Variants in RALGAPB observed in about 807,000 individuals in gnomAD.
RALGAPB encodes ral GTPase-activating protein subunit beta.
A neutral mutation model predicts 161.1 loss-of-function variants in RALGAPB; 25 were observed. The observed-to-expected ratio is 0.16, with a 90% CI of 0.11 to 0.22. The LOEUF (loss-of-function observed/expected upper bound fraction) is 0.22, where lower values mean the gene tolerates loss of function less well. Among genes scored for constraint, RALGAPB ranks in the 10% least tolerant of loss-of-function variants. The pLI is 1.00. For missense variants in RALGAPB, 1,391 were observed against 1,815.2 expected (o/e 0.77, Z 4.25); for synonymous variants, 629 against 626.1 (o/e 1.00, Z -0.07).
At chr20:38,475,191 G>A (rs1325549535) in intron 1 of RALGAPB, among the ~76,000 whole-genome samples, 1 of 152,314 alleles carries the variant, frequency 6.6e-6, no homozygotes, top group African/African-American at 2.4e-5. Flanking sequence ...CCAAAAAAGT[G>A]TTTAGTTGTC....
At chr20:38,532,665 T>C in intron 14 of RALGAPB, 65 bp from the exon 15 acceptor site, 2 of 1,568,352 alleles carry the variant, frequency 1.3e-6, no homozygotes, top group Non-Finnish European at 1.8e-6. Context: ...TTTTTAATGA[T>C]TGACCTTTAT....
chr20:38,550,921 T>A lies in RALGAPB; in HGVS notation c.3010-150T>A, dbSNP rs2087352349. 4.8e-6 allele frequency: 4 copies of A among 837,418 alleles called. No homozygotes were observed. The South Asian group carries it at 7.0e-5, about 15-fold the overall frequency. 51.9% of individuals were successfully genotyped at this position (837,418 alleles called of 1,614,324 possible). A position where few individuals can be genotyped will look rare whatever the true frequency, so the allele number is the denominator to read the frequency against. On this transcript the variant is annotated intron_variant, in intron 20 of 29. Coordinates refer to ENST00000262879, the MANE Select transcript of RALGAPB (RefSeq NM_020336.4). ...AGGGGCACAGGCTGCTTCCCTTTGC[T>A]GTTATCTGTAGCATTTGCAGGTTCT...
In RALGAPB at chr20:38,488,557, G is replaced by T. The variant is rs1423706566; in HGVS notation, c.125G>T (p.Gly42Val). 6.2e-7 allele frequency: 1 copy of T among 1,613,998 alleles called. No individual in the cohort carries two copies. The change falls in exon 2 of 30, where the codon GGG becomes GTG. Residue 42 changes from glycine (G) to valine (V), a missense_variant. Physicochemically the swap from Gly to Val is moderately radical, Grantham distance 109 (BLOSUM62 -3). Transcript: ENST00000262879. ...GCAAATGCTGTAGTCCGTCCTCTTG[G>T]GCAGGTGTTAGGTACCCCTTCAGTG... ...EVANAVVRPL[G>V]QVLGTPSVAG...
At chr20:38,522,504 T>C (rs2086321108) in intron 10 of RALGAPB, among the ~76,000 whole-genome samples, 1 of 152,210 alleles carries the variant, frequency 6.6e-6, no homozygotes, top group Admixed American at 6.5e-5. Context: ...ACTTTTCTCC[T>C]AAATTAACTC....
intron 3 of RALGAPB, among the ~76,000 whole-genome samples, chr20:38,494,197 C>A (rs1199908529): frequency 2.0e-5 from 3 of 152,200 alleles, no homozygotes; most frequent in African/African-American, 4.8e-5. Context: ...ATCTAACCAA[C>A]TCAAAGGCAG....
At chr20:38,553,789 A>AC in intron 21 of RALGAPB, 78 bp from the exon 22 acceptor site, 1 of 804,494 alleles carries the variant, frequency 1.2e-6, no homozygotes, top group Non-Finnish European at 1.8e-6. Flanking sequence ...AAAAAAAAAA[A>AC]AAAAAAAAAA....
chr20:38,542,092 A>G (rs988720095), intron 18 of RALGAPB, among the ~76,000 whole-genome samples: 5 of 152,192 alleles, frequency 3.3e-5, no homozygotes, highest in African/African-American at 1.2e-4. Flanking sequence ...GACTGAATGG[A>G]ACAGTTAGTG....
intron 2 of RALGAPB, among the ~76,000 whole-genome samples, chr20:38,492,157 C>T (rs758047220): frequency 6.6e-6 from 1 of 152,062 alleles, no homozygotes; most frequent in South Asian, 2.1e-4. Context: ...CCCAGTGGCA[C>T]CTTCTAGTTG....
chr20:38,553,784 A>AAG, intron 21 of RALGAPB, 83 bp from the exon 22 acceptor site: 1 of 735,088 alleles, frequency 1.4e-6, no homozygotes, highest in Non-Finnish European at 2.0e-6. Context: ...TCTCAAAAAA[A>AAG]AAAAAAAAAA....
chr20:38,503,564 T>C (rs1267698531), intron 5 of RALGAPB, among the ~76,000 whole-genome samples: 2 of 152,224 alleles, frequency 1.3e-5, no homozygotes, highest in Admixed American at 6.5e-5. Context: ...AGGAGTCTTA[T>C]GGATGAGCAA....
chr20:38,520,580 GTTTGA>G (rs1031049657), intron 9 of RALGAPB, among the ~76,000 whole-genome samples: 2 of 121,918 alleles, frequency 1.6e-5, no homozygotes, highest in African/African-American at 6.6e-5. Context: ...CAGATTTAGT[GTTTGA>G]TTTGTATGCA....
At chr20:38,506,136 C>T (rs948116424) in intron 5 of RALGAPB, among the ~76,000 whole-genome samples, 6 of 152,048 alleles carry the variant, frequency 3.9e-5, no homozygotes, top group South Asian at 2.1e-4. Flanking sequence ...AATCTTGAGA[C>T]GATTTAAAGT....
At chr20:38,521,067 T>C (rs901587473) in intron 9 of RALGAPB, among the ~76,000 whole-genome samples, 1 of 152,212 alleles carries the variant, frequency 6.6e-6, no homozygotes, top group South Asian at 2.1e-4. Context: ...GGGTTGCCCA[T>C]TTAATTAGGA....
At position 38,520,340 on chromosome 20, in the gene RALGAPB, TA is replaced by T. The variant is rs1368495378; in HGVS notation, c.1418-1152del. 3 of 674,470 alleles carry T rather than the reference TA, an allele frequency of 4.4e-6. No individual in the cohort carries two copies. The African/African-American group carries it at 5.9e-5, about 13-fold the overall frequency. 41.8% of individuals were successfully genotyped at this position (674,470 alleles called of 1,614,324 possible). On this transcript the variant is annotated intron_variant, in intron 9 of 29. Transcript: ENST00000262879. The stretch of plus-strand genomic sequence containing the variant: ...GTTTTTATTTTTTTCATAATTCCAT[TA>T]AAAATTTGATTGTCATTGTCTCTTG...
chr20:38,536,313 C>G (rs138718207), intron 16 of RALGAPB, among the ~76,000 whole-genome samples: 4 of 152,230 alleles, frequency 2.6e-5, no homozygotes, highest in Middle Eastern at 6.8e-3. Flanking sequence ...GAACTGTATT[C>G]CCTTTTATGA....
At chr20:38,551,009 C>A (rs2087355416) in intron 20 of RALGAPB, 62 bp from the exon 21 acceptor site, 3 of 1,538,942 alleles carry the variant, frequency 1.9e-6, no homozygotes, top group Admixed American at 3.6e-5. Flanking sequence ...CAGGGAAATA[C>A]ATGTCATTAC....
At chr20:38,544,543 C>T (rs1051281308) in intron 18 of RALGAPB, among the ~76,000 whole-genome samples, 1 of 152,212 alleles carries the variant, frequency 6.6e-6, no homozygotes, top group East Asian at 1.9e-4. Flanking sequence ...TCTTGACTCA[C>T]TGCAACTGCC....
chr20:38,544,280 C>G (rs1429556893), intron 18 of RALGAPB, among the ~76,000 whole-genome samples: 3 of 152,046 alleles, frequency 2.0e-5, no homozygotes, highest in Non-Finnish European at 4.4e-5. Context: ...TCCTTTTTGT[C>G]CAGGCAGTAG....
chr20:38,532,650 C>T (rs2086688939), intron 14 of RALGAPB, 80 bp from the exon 15 acceptor site: 2 of 1,527,802 alleles, frequency 1.3e-6, no homozygotes, highest in East Asian at 2.3e-5. Context: ...GCTTTATCAA[C>T]ATGGTTTTTA....
Sources: allele counts gnomAD v4.1 joint callset (sites outside exome capture counted in the v4.1 genomes callset), GRCh38; gene constraint gnomAD v4.1.1; transcripts MANE v1.5; gene names NCBI Gene and HGNC (gene_info 2026-07-23, HGNC 2026-07-21).